Variants in FBXL4 observed in about 807,000 individuals in gnomAD.
FBXL4 encodes the protein F-box and leucine rich repeat protein 4.
A neutral mutation model predicts 58.9 loss-of-function variants in FBXL4; 40 were observed. The observed-to-expected ratio is 0.68, with a 90% CI of 0.53 to 0.88. The LOEUF is 0.88. Ranked by LOEUF, FBXL4 falls within the 40% of genes least tolerant of loss-of-function variation. FBXL4 has a pLI of 0.00. For synonymous variants in FBXL4, 263 were observed against 265.5 expected (o/e 0.99, Z 0.09); for missense variants, 676 against 734.4 (o/e 0.92, Z 0.92).
chr6:98,925,298 G>A (rs1440918802), intron 4 of FBXL4, among the ~76,000 whole-genome samples: 1 of 152,084 alleles, frequency 6.6e-6, no homozygotes, highest in African/African-American at 2.4e-5. Context: ...TGCCCTGCTA[G>A]TGGGAATATA....
intron 6 of FBXL4, among the ~76,000 whole-genome samples, chr6:98,899,826 A>G (rs1041195477): frequency 2.6e-5 from 4 of 152,216 alleles, no homozygotes; most frequent in African/African-American, 9.6e-5. Flanking sequence ...ACAGCAAAAC[A>G]TAACAAAACT....
intron 4 of FBXL4, among the ~76,000 whole-genome samples, chr6:98,924,053 A>C (rs1216065421): frequency 6.6e-6 from 1 of 152,214 alleles, no homozygotes; most frequent in East Asian, 1.9e-4. Context: ...ATAAAGTTTT[A>C]ACTTTAATCA....
chr6:98,937,386 C>T (rs1312260127), intron 1 of FBXL4, among the ~76,000 whole-genome samples: 1 of 151,866 alleles, frequency 6.6e-6, no homozygotes, highest in African/African-American at 2.4e-5. Context: ...TTACCAATAA[C>T]ATAAACAGTT....
intron 1 of FBXL4, among the ~76,000 whole-genome samples, chr6:98,935,489 G>A (rs1773178461): frequency 6.6e-6 from 1 of 152,034 alleles, no homozygotes; most frequent in East Asian, 1.9e-4. Flanking sequence ...TTTAACGATG[G>A]GTAAGAATAA....
chr6:98,923,353 C>T (rs759730280), intron 4 of FBXL4, among the ~76,000 whole-genome samples: 16 of 151,906 alleles, frequency 1.1e-4, no homozygotes, highest in Admixed American at 5.2e-4. Context: ...TTCTGGGAAG[C>T]TGGATCCAAA....
intron 7 of FBXL4, among the ~76,000 whole-genome samples, chr6:98,895,535 T>A (rs902962972): frequency 2.6e-5 from 4 of 152,214 alleles, no homozygotes; most frequent in African/African-American, 7.2e-5. Flanking sequence ...TGTTATAATT[T>A]TAACTACAAC....
chr6:98,926,920 G>A lies in FBXL4; in HGVS notation c.69C>T (p.Ala23=), dbSNP rs1235732322. The change falls in exon 4 of 10, where the codon GCC becomes GCT. Residue 23 remains alanine (A), a synonymous_variant. Transcript: ENST00000369244. The stretch of plus-strand genomic sequence containing the variant: ...TCATTTCTCCTCTTGTAGCTGTCCT[G>A]GCTCGGCGCCGAAGGCATATATAAT... ...MFYYICLRRR[A]RTATRGEMMN... is the part of the protein sequence containing the mutation. 1 of 1,614,116 alleles carries A rather than the reference G, an allele frequency of 6.2e-7. No individual in the cohort carries two copies. The highest frequency in any genetic ancestry group is 8.5e-7 in the Non-Finnish European group (1 of 1,180,026).
chr6:98,943,329 T>C (rs2128413872), intron 1 of FBXL4, among the ~76,000 whole-genome samples: 1 of 150,606 alleles, frequency 6.6e-6, no homozygotes, highest in South Asian at 2.1e-4. Context: ...CCCCAGCACG[T>C]TGGGAGGCCA....
intron 5 of FBXL4, among the ~76,000 whole-genome samples, chr6:98,915,431 T>G (rs1206000145): frequency 1.3e-5 from 2 of 152,056 alleles, no homozygotes; most frequent in African/African-American, 4.8e-5. Context: ...ACTACAAGGC[T>G]ACAGTAACCA....
Position 98,935,456 on chromosome 6 carries a change from A to G in FBXL4, c.-308-577T>C, listed in dbSNP as rs532777631. Among the ~76,000 whole-genome samples, 4 of 152,266 alleles carry G rather than the reference A, an allele frequency of 2.6e-5. No homozygotes were observed. In the East Asian group the frequency reaches 7.7e-4, roughly 29 times the overall value. ...AATAGATTCCACTGTTATATTACCTATATATTACCTTTTTCTTCAGTGTTT... is the reference window on the plus strand; with the variant it reads ...AATAGATTCCACTGTTATATTACCTGTATATTACCTTTTTCTTCAGTGTTT... On this transcript the variant is annotated intron_variant, in intron 1 of 9. Coordinates refer to ENST00000369244, the MANE Select transcript of FBXL4 (RefSeq NM_001278716.2).
rs895469467 is a variant in FBXL4, at chr6:98,899,448, G to C, written c.1137C>G (p.Arg379=). Residue 379 remains arginine, a synonymous_variant, in exon 7 of 10, where the codon CGC becomes CGG. Transcript: ENST00000369244. ...GAAAGTGGCTGCAAGACAATTCAAG[G>C]CGTACTAATTCGGATCCACAAACCT... ...FLKVCGSELV[R]LELSCSHFLN... 1.9e-6 allele frequency: 3 copies of C among 1,613,662 alleles called. No homozygotes were observed. In the Admixed American group the frequency reaches 5.0e-5, roughly 27 times the overall value.
intron 8 of FBXL4, among the ~76,000 whole-genome samples, chr6:98,876,186 TAC>T (rs1770656093): frequency 6.6e-6 from 1 of 152,202 alleles, no homozygotes; most frequent in South Asian, 2.1e-4. Context: ...ATGCTGATAA[TAC>T]TAATAAGGAT....
chr6:98,913,792 A>T (rs1166108364), intron 5 of FBXL4, among the ~76,000 whole-genome samples: 1 of 152,352 alleles, frequency 6.6e-6, no homozygotes, highest in African/African-American at 2.4e-5. Context: ...AAAAGATAGC[A>T]GAAGGCAAGA....
chr6:98,899,222 G>A (rs769711285), intron 7 of FBXL4, 46 bp downstream of exon 7: 3 of 1,595,086 alleles, frequency 1.9e-6, no homozygotes, highest in East Asian at 4.5e-5. Context: ...CAAATCTTCA[G>A]TTGGCTACCA....
chr6:98,902,566 G>A (rs983430290), intron 6 of FBXL4, among the ~76,000 whole-genome samples: 1 of 151,960 alleles, frequency 6.6e-6, no homozygotes, highest in Non-Finnish European at 1.5e-5. Context: ...AATCTAGAAC[G>A]CATCCAAGAA....
In FBXL4 at chr6:98,922,690, C is replaced by A. The variant is rs375406713; in HGVS notation, c.512+3787G>T. On this transcript the variant is annotated intron_variant, in intron 4 of 9. Coordinates refer to ENST00000369244, the MANE Select transcript of FBXL4 (RefSeq NM_001278716.2). The stretch of plus-strand genomic sequence containing the variant: ...CAAATTTGTCATGATCTTGTCCTTT[C>A]GACTTTGTGGGCCAAAAAACATGAT... Among the ~76,000 whole-genome samples, 28 of 152,230 alleles carry A rather than the reference C, an allele frequency of 1.8e-4. No homozygotes were observed. In the East Asian group the frequency reaches 5.0e-3, roughly 27 times the overall value.
At chr6:98,891,722 CA>C (rs34788813) in intron 7 of FBXL4, among the ~76,000 whole-genome samples, 10,755 of 108,376 alleles carry the variant, frequency 0.099, 515 homozygotes, top group East Asian at 0.28. Context: ...CTATCTCTAC[CA>C]AAAAAAAAAA....
chr6:98,943,351 TCACTTGAG>T (rs1773501894), intron 1 of FBXL4, among the ~76,000 whole-genome samples: 1 of 151,120 alleles, frequency 6.6e-6, no homozygotes, highest in Non-Finnish European at 1.5e-5. Flanking sequence ...GGCGGGTGGA[TCACTTGAG>T]CCCAGGAGTT....
At chr6:98,884,700 C>T (rs1170865957) in intron 7 of FBXL4, among the ~76,000 whole-genome samples, 1 of 152,140 alleles carries the variant, frequency 6.6e-6, no homozygotes, top group Non-Finnish European at 1.5e-5. Context: ...TTTAAAACCC[C>T]AAGTGCCCAT....
Sources: allele counts gnomAD v4.1 joint callset (sites outside exome capture counted in the v4.1 genomes callset), GRCh38; gene constraint gnomAD v4.1.1; transcripts MANE v1.5; gene names NCBI Gene and HGNC (gene_info 2026-07-23, HGNC 2026-07-21).